DCAF16: variants seen among roughly 807,000 people sequenced by gnomAD.
The protein encoded by DCAF16 is DDB1- and CUL4-associated factor 16.
A neutral mutation model predicts 17.3 loss-of-function variants in DCAF16; 10 were observed. That is an observed-to-expected ratio of 0.58 (90% CI 0.36 to 0.98). The LOEUF (loss-of-function observed/expected upper bound fraction) is 0.98. DCAF16 is among the 50% of genes least tolerant of loss of function. The pLI, the probability that DCAF16 is intolerant of heterozygous loss-of-function variation, is 0.01. For missense variants in DCAF16, 249 were observed against 247.6 expected, an observed-to-expected ratio of 1.01 and a Z score of -0.04; for synonymous variants, 111 against 92.8, an observed-to-expected ratio of 1.20 and a Z score of -1.12.
chr4:17,794,536 A>T, the DCAF16 span, among the ~76,000 whole-genome samples: 1 of 152,224 alleles, frequency 6.6e-6, no homozygotes, highest in African/African-American at 2.4e-5. Flanking sequence ...TAAAATTTAA[A>T]CAAAAAGCTT....
chr4:17,796,294 T>C (rs762730999), downstream of DCAF16, among the ~76,000 whole-genome samples: 18 of 152,212 alleles, frequency 1.2e-4, no homozygotes, highest in Non-Finnish European at 2.6e-4. Context: ...TCCAAATTTG[T>C]GAACCTTTTC....
At position 17,807,846 on chromosome 4, in the gene DCAF16, G is replaced by A. The variant is rs147899585; in HGVS notation, c.-750+2601C>T. On this transcript the variant is annotated intron_variant, in intron 1 of 2. Transcript: ENST00000382247. ...AAAGTCAGTGAACATTTTCATTATC[G>A]AATACACTGAGTTGTGCTAATAAGG... 7.2e-5 allele frequency among the ~76,000 whole-genome samples: 11 copies of A among 152,282 alleles called. No homozygotes were observed. The South Asian group carries it at 8.3e-4, about 11-fold the overall frequency.
chr4:17,797,880 A>G (rs1042710714), downstream of DCAF16, among the ~76,000 whole-genome samples: 3 of 152,220 alleles, frequency 2.0e-5, no homozygotes, highest in Non-Finnish European at 4.4e-5. Context: ...CACAGCTGAT[A>G]CCATAGATGG....
At position 17,801,054 on chromosome 4, in the gene DCAF16, C is replaced by T. The variant is rs955562841; in HGVS notation, c.*2437G>A. The T allele has an allele frequency of 6.6e-6, 1 of 152,158 alleles. No homozygotes were observed. The highest frequency in any genetic ancestry group is 1.5e-5 in the Non-Finnish European group (1 of 68,026). 9.4% of individuals were successfully genotyped at this position (152,158 alleles called of 1,614,324 possible). On this transcript the variant is annotated 3_prime_UTR_variant, in exon 3 of 3. Coordinates refer to ENST00000382247, the MANE Select transcript of DCAF16 (RefSeq NM_017741.4). ...TCCTTTAGACAAGACAACTAAGGCT[C>T]AGCAGAAATATTCACTAGGTTATAA...
At chr4:17,799,228 C>T (rs1719578346), downstream of DCAF16, among the ~76,000 whole-genome samples, 1 of 152,162 alleles carries the variant, frequency 6.6e-6, no homozygotes, top group South Asian at 2.1e-4. Flanking sequence ...CTTCATTATA[C>T]TTGGATGGCT....
chr4:17,802,064 T>G lies in DCAF16; in HGVS notation c.*1427A>C, dbSNP rs1719839430. ...TTGCAGTGAGCTGAGATCATGCCAC[T>G]ACACTCCAGCCTGGGCGACAGAGCA... On this transcript the variant is annotated 3_prime_UTR_variant, in exon 3 of 3. Coordinates refer to ENST00000382247, the MANE Select transcript of DCAF16 (RefSeq NM_017741.4). 1 of 124,380 alleles carries G rather than the reference T, an allele frequency of 8.0e-6. No homozygotes were observed. Among genetic ancestry groups the G allele is most frequent in the South Asian group, 2.5e-4 (1 of 3,954 alleles). 7.7% of individuals were successfully genotyped at this position (124,380 alleles called of 1,614,324 possible). A position where few individuals can be genotyped will look rare whatever the true frequency, so the allele number is the denominator to read the frequency against.
chr4:17,794,329 T>G, the DCAF16 span, among the ~76,000 whole-genome samples: 1 of 152,170 alleles, frequency 6.6e-6, no homozygotes, highest in Non-Finnish European at 1.5e-5. Flanking sequence ...GAAGGTAATT[T>G]TATACAGTAG....
At chr4:17,797,485 CT>C (rs996207039), downstream of DCAF16, among the ~76,000 whole-genome samples, 9 of 152,292 alleles carry the variant, frequency 5.9e-5, no homozygotes, top group African/African-American at 2.2e-4. Context: ...TGGTCCAAAG[CT>C]TTCAAGCCAT....
At chr4:17,808,144 C>G (rs1351601908) in intron 1 of DCAF16, among the ~76,000 whole-genome samples, 1 of 152,156 alleles carries the variant, frequency 6.6e-6, no homozygotes. Flanking sequence ...TATGATGCTA[C>G]TACAGCAATA....
In DCAF16 at chr4:17,803,444, C is replaced by T. The variant is rs1411266942; in HGVS notation, c.*47G>A. On this transcript the variant is annotated 3_prime_UTR_variant, in exon 3 of 3. Coordinates refer to ENST00000382247, the MANE Select transcript of DCAF16 (RefSeq NM_017741.4). ...CTGTGTAATGACTAACTTTGTACCA[C>T]TTTCTCAATTAGCAACATCAGAGAT... The T allele has an allele frequency of 3.9e-6, 6 of 1,554,082 alleles. No homozygotes were observed. The highest frequency in any genetic ancestry group is 2.6e-6 in the Non-Finnish European group (3 of 1,135,712).
At chr4:17,809,699 T>C (rs939682974) in intron 1 of DCAF16, 4 of 152,006 alleles carry the variant, frequency 2.6e-5, no homozygotes, top group Non-Finnish European at 5.9e-5. Flanking sequence ...TAACCTGACA[T>C]AGACATTAAC....
the DCAF16 span, among the ~76,000 whole-genome samples, chr4:17,794,088 T>C: frequency 6.6e-6 from 1 of 152,198 alleles, no homozygotes; most frequent in African/African-American, 2.4e-5. Flanking sequence ...TATGTAACCA[T>C]ATCTTGATAG....
the DCAF16 span, among the ~76,000 whole-genome samples, chr4:17,794,625 C>T: frequency 1.5e-4 from 23 of 152,196 alleles, no homozygotes; most frequent in East Asian, 3.8e-4. Flanking sequence ...AAATCAAATA[C>T]GAAAACAAAT....
At chr4:17,795,853 C>T (rs188472472), downstream of DCAF16, among the ~76,000 whole-genome samples, 39 of 152,314 alleles carry the variant, frequency 2.6e-4, no homozygotes, top group Non-Finnish European at 5.0e-4. Context: ...TGTGGACTCT[C>T]AGTTTCACTG....
chr4:17,797,015 T>A (rs777015732), downstream of DCAF16, among the ~76,000 whole-genome samples: 3 of 152,116 alleles, frequency 2.0e-5, no homozygotes, highest in Non-Finnish European at 4.4e-5. Context: ...CATGTTGGAG[T>A]GCAGTGGCAT....
In DCAF16 at chr4:17,804,673, G is replaced by C. The variant is rs141759496; in HGVS notation, c.-532C>G. On this transcript the variant is annotated 5_prime_UTR_variant, in exon 3 of 3. It adds an upstream start codon to the 5' untranslated region. Coordinates refer to ENST00000382247, the MANE Select transcript of DCAF16 (RefSeq NM_017741.4). ...CTGTCAAGAACATCTGGTGTATAAGGATCCGATGCTTTCCATAGGTGATGC... is the reference window on the plus strand; with the variant it reads ...CTGTCAAGAACATCTGGTGTATAAGCATCCGATGCTTTCCATAGGTGATGC... The C allele has an allele frequency of 5.8e-6, 1 of 171,956 alleles. No individual in the cohort carries two copies. Among genetic ancestry groups the C allele is most frequent in the Non-Finnish European group, 1.4e-5 (1 of 71,134 alleles). 10.7% of individuals were successfully genotyped at this position (171,956 alleles called of 1,614,324 possible).
In DCAF16 at chr4:17,804,446, C is replaced by T; in HGVS notation, c.-305G>A. ...GTATCTCCTTCAAATCCTGGCTACC[C>T]AAGAATAGAAGGGGTCCTCATCTAG... is the stretch of plus-strand genomic sequence containing the variant. On this transcript the variant is annotated 5_prime_UTR_variant, in exon 3 of 3. It introduces an in-frame stop codon into an upstream open reading frame of the 5' UTR. Transcript: ENST00000382247. 2 of 357,716 alleles carry T rather than the reference C, an allele frequency of 5.6e-6. No homozygotes were observed. Among genetic ancestry groups the T allele is most frequent in the South Asian group, 7.4e-5 (2 of 27,126 alleles). The allele number at this position is 357,716 out of a possible 1,614,324, so 22.2% of individuals were successfully genotyped here.
In DCAF16 at chr4:17,804,452, T is replaced by C. The variant is rs1045408529; in HGVS notation, c.-311A>G. 1 of 345,626 alleles carries C rather than the reference T, an allele frequency of 2.9e-6. No homozygotes were observed. Among genetic ancestry groups the C allele is most frequent in the East Asian group, 6.5e-5 (1 of 15,280 alleles). The allele number at this position is 345,626 out of a possible 1,614,324, so 21.4% of individuals were successfully genotyped here. A position where few individuals can be genotyped will look rare whatever the true frequency, so the allele number is the denominator to read the frequency against. ...CCTTCAAATCCTGGCTACCCAAGAA[T>C]AGAAGGGGTCCTCATCTAGGCAAGC... On this transcript the variant is annotated 5_prime_UTR_variant, in exon 3 of 3. Coordinates refer to ENST00000382247, the MANE Select transcript of DCAF16 (RefSeq NM_017741.4).
At chr4:17,796,484 G>A (rs1397994159), downstream of DCAF16, among the ~76,000 whole-genome samples, 4 of 152,194 alleles carry the variant, frequency 2.6e-5, no homozygotes, top group Non-Finnish European at 4.4e-5. Context: ...GCTCAGGTGG[G>A]TGGATCATGA....
Sources: allele counts gnomAD v4.1 joint callset (sites outside exome capture counted in the v4.1 genomes callset), GRCh38; gene constraint gnomAD v4.1.1; transcripts MANE v1.5; gene names NCBI Gene and HGNC (gene_info 2026-07-23, HGNC 2026-07-21).